ATP9B: variants seen among roughly 807,000 people sequenced by gnomAD.
ATP9B encodes the protein ATPase phospholipid transporting 9B.
In ATP9B, 110 loss-of-function variants were observed where a neutral mutation model predicts 146.1. That is an observed-to-expected ratio of 0.75 (90% CI 0.65 to 0.88). The LOEUF (loss-of-function observed/expected upper bound fraction) is 0.88, where lower values mean the gene tolerates loss of function less well. Among genes scored for constraint, ATP9B ranks in the 40% least tolerant of loss-of-function variants. The probability of loss-of-function intolerance (pLI) is 0.00; values close to 1 mark genes in which losing one functional copy is unlikely to be tolerated. For synonymous variants in ATP9B, 604 were observed against 569.7 expected (o/e 1.06, Z -0.86); for missense variants, 1,499 against 1,496.4 (o/e 1.00, Z -0.03).
intron 1 of ATP9B, among the ~76,000 whole-genome samples, chr18:79,084,002 G>A (rs1011471487): frequency 1.3e-5 from 2 of 151,762 alleles, no homozygotes; most frequent in African/African-American, 2.4e-5. Flanking sequence ...GGCACTACAG[G>A]CACGTGCCAC....
intron 6 of ATP9B, among the ~76,000 whole-genome samples, chr18:79,150,314 A>T (rs536409931): frequency 6.2e-5 from 9 of 145,256 alleles, no homozygotes; most frequent in South Asian, 4.3e-4. Context: ...ATAGTTTCTT[A>T]AAAAAAAAAA....
chr18:79,327,773 ACGTGCTCTCCGTGGTTAG>A (rs1239234953), intron 15 of ATP9B, among the ~76,000 whole-genome samples: 2 of 16,144 alleles, frequency 1.2e-4, no homozygotes, highest in African/African-American at 3.0e-4. Flanking sequence ...TCTGTGGTTA[ACGTGCTCTCCGTGGTTAG>A]CGTGCTCTCC....
At chr18:79,346,163 A>G (rs2096885696) in intron 23 of ATP9B, among the ~76,000 whole-genome samples, 1 of 150,428 alleles carries the variant, frequency 6.6e-6, no homozygotes, top group African/African-American at 2.5e-5. Context: ...GCACACGGTC[A>G]GCGCACATCA....
At chr18:79,118,601 C>T (rs1347987307) in intron 4 of ATP9B, among the ~76,000 whole-genome samples, 1 of 151,652 alleles carries the variant, frequency 6.6e-6, no homozygotes, top group African/African-American at 2.4e-5. Context: ...GGGGTTTTAC[C>T]ATGTTGGCCA....
In ATP9B at chr18:79,213,952, G is replaced by C. The variant is rs759880393; in HGVS notation, c.1031-10G>C. Reference sequence around the variant, plus strand: ...GTATTTCTACAAGGACCACTTTCATGTTTTTGCAGGTACTGTAATAGGTGT... The same window carrying C: ...GTATTTCTACAAGGACCACTTTCATCTTTTTGCAGGTACTGTAATAGGTGT... On this transcript the variant is annotated splice_polypyrimidine_tract_variant and intron_variant, in intron 10 of 29. Transcript: ENST00000426216. 2 of 1,585,420 alleles carry C rather than the reference G, an allele frequency of 1.3e-6. No individual in the cohort carries two copies. The highest frequency in any genetic ancestry group is 4.6e-5 in the East Asian group (2 of 43,238).
intron 15 of ATP9B, among the ~76,000 whole-genome samples, chr18:79,308,710 T>TGAGGACTGATCCCCAGCA (rs1568637006): frequency 3.8e-4 from 4 of 10,556 alleles, no homozygotes; most frequent in African/African-American, 1.3e-3. Flanking sequence ...AGGTCAGGGG[T>TGAGGACTGATCCCCAGCA]GGTGGAGTGA....
chr18:79,302,363 C>T (rs1259258999), intron 13 of ATP9B, among the ~76,000 whole-genome samples: 1 of 149,862 alleles, frequency 6.7e-6, no homozygotes, highest in Non-Finnish European at 1.5e-5. Flanking sequence ...GAAAGCACCA[C>T]GCGTGGCACC....
intron 12 of ATP9B, among the ~76,000 whole-genome samples, chr18:79,264,691 A>G (rs1486278371): frequency 6.8e-6 from 1 of 146,644 alleles, no homozygotes; most frequent in South Asian, 2.1e-4. Flanking sequence ...TTTGATATAT[A>G]TGGTGTGAAG....
chr18:79,342,281 C>CA lies in ATP9B; in HGVS notation c.2298dup (p.Gly767ArgfsTer3). ...ATTGTTCCCTAGATATGGATGCTAA[C>CA]AGGCGATAAACTCGAGACAGCTACC... On this transcript the variant is annotated frameshift_variant, in exon 20 of 30. Coordinates refer to ENST00000426216, the MANE Select transcript of ATP9B (RefSeq NM_198531.5). LOFTEE classifies it high-confidence loss of function. The CA allele has an allele frequency of 6.2e-7, 1 of 1,612,980 alleles. No homozygotes were observed. The highest frequency in any genetic ancestry group is 8.5e-7 in the Non-Finnish European group (1 of 1,179,162).
rs149337901 is a variant in ATP9B, at chr18:79,216,861, T to C, written c.1107+2823T>C. 1.4e-3 allele frequency among the ~76,000 whole-genome samples: 212 copies of C among 152,396 alleles called. 1 individual carries two copies. Among genetic ancestry groups the C allele is most frequent in the African/African-American group, 5.0e-3 (210 of 41,600 alleles). ...TTACCATGTTAGCTTTTCAACCTGATGTAAAAGTGTTCTTTCAGTGGCTGG... is the reference window on the plus strand; with the variant it reads ...TTACCATGTTAGCTTTTCAACCTGACGTAAAAGTGTTCTTTCAGTGGCTGG... On this transcript the variant is annotated intron_variant, in intron 11 of 29. Coordinates refer to ENST00000426216, the MANE Select transcript of ATP9B (RefSeq NM_198531.5).
chr18:79,146,262 G>T (rs2094584278), intron 6 of ATP9B: 1 of 140,850 alleles, frequency 7.1e-6, no homozygotes, highest in Non-Finnish European at 1.4e-5. Flanking sequence ...GAAGGTGCGG[G>T]CTGCATGTCG....
In ATP9B at chr18:79,119,274, T is replaced by G. The variant is rs529919149; in HGVS notation, c.558+5920T>G. Among the ~76,000 whole-genome samples, 14 of 152,318 alleles carry G rather than the reference T, an allele frequency of 9.2e-5. No individual in the cohort carries two copies. In the South Asian group the frequency reaches 2.9e-3, roughly 32 times the overall value. ...GATGGTTCTTTCTGAAGAACTTTAT[T>G]TGATTTGTTCACAAAATTGATGATC... On this transcript the variant is annotated intron_variant, in intron 4 of 29. Transcript: ENST00000426216.
intron 7 of ATP9B, among the ~76,000 whole-genome samples, chr18:79,157,932 A>G (rs373614708): frequency 9.9e-5 from 15 of 152,018 alleles, no homozygotes; most frequent in African/African-American, 3.1e-4. Flanking sequence ...AGGTTTGTCA[A>G]TCTTGTTGAT....
chr18:79,315,627 G>A (rs1354941270), intron 15 of ATP9B, among the ~76,000 whole-genome samples: 2 of 152,322 alleles, frequency 1.3e-5, no homozygotes, highest in East Asian at 3.9e-4. Flanking sequence ...TAGCTTTTAA[G>A]AACAGTAGCA....
intron 4 of ATP9B, among the ~76,000 whole-genome samples, 181 bp from the exon 5 acceptor site, chr18:79,126,086 C>A (rs985538073): frequency 2.0e-5 from 3 of 152,144 alleles, no homozygotes; most frequent in Non-Finnish European, 1.5e-5. Context: ...GAGTTGCATA[C>A]CTTTTACAAT....
intron 17 of ATP9B, among the ~76,000 whole-genome samples, chr18:79,336,152 CCG>C: frequency 6.6e-6 from 1 of 150,584 alleles, no homozygotes; most frequent in Non-Finnish European, 1.5e-5. Flanking sequence ...CCCAGCACCG[CCG>C]TGTGCACCCT....
intron 3 of ATP9B, among the ~76,000 whole-genome samples, chr18:79,111,687 T>C (rs1261225514): frequency 6.6e-6 from 1 of 152,208 alleles, no homozygotes. Flanking sequence ...GAGTATTGAT[T>C]GCAGTCGTTT....
chr18:79,308,412 CAA>C lies in ATP9B; in HGVS notation c.1773+1179_1773+1180del, dbSNP rs557826969. On this transcript the variant is annotated intron_variant, in intron 15 of 29. Coordinates refer to ENST00000426216, the MANE Select transcript of ATP9B (RefSeq NM_198531.5). ...GTCCAAATGTCTATCAGCTATCAAA[CAA>C]GAAATAAAATGTAGTCTGTTCGCAC... Among the ~76,000 whole-genome samples, 12 of 152,266 alleles carry C rather than the reference CAA, an allele frequency of 7.9e-5. No individual in the cohort carries two copies. In the South Asian group the frequency reaches 1.0e-3, roughly 13 times the overall value.
At chr18:79,369,661 C>A (rs2097058016) in intron 26 of ATP9B, among the ~76,000 whole-genome samples, 1 of 152,182 alleles carries the variant, frequency 6.6e-6, no homozygotes. Context: ...GTGGCTGGTC[C>A]CATGCCACGG....
Sources: gnomAD v4.1 joint callset for allele counts (sites outside exome capture counted in the v4.1 genomes callset) on GRCh38, gnomAD v4.1.1 for gene constraint, MANE v1.5 for transcripts, NCBI Gene and HGNC (gene_info 2026-07-23, HGNC 2026-07-21) for gene names.